Variants in USP16 observed in about 807,000 individuals in gnomAD.
USP16 encodes the protein ubiquitin specific peptidase 16, also known as ubiquitin carboxyl-terminal hydrolase 16.
USP16 carries 77 observed loss-of-function variants against 95.9 expected under a neutral mutation model. The ratio of observed to expected loss-of-function variants is 0.80; its 90% CI spans 0.67 to 0.97. The LOEUF (loss-of-function observed/expected upper bound fraction) is 0.97, where lower values mean the gene tolerates loss of function less well. Among genes scored for constraint, USP16 ranks in the 50% least tolerant of loss-of-function variants. USP16 has a pLI of 0.00. For missense variants in USP16, 943 were observed against 959.9 expected (o/e 0.98, Z 0.23); for synonymous variants, 303 against 318.2 (o/e 0.95, Z 0.51).
chr21:29,032,064 A>G (rs147251162), intron 3 of USP16, among the ~76,000 whole-genome samples: 3 of 152,190 alleles, frequency 2.0e-5, no homozygotes, highest in South Asian at 4.1e-4. Context: ...TGAACATCAC[A>G]GGGATCTCTT....
chr21:29,041,203 C>T (rs150054074), intron 10 of USP16, among the ~76,000 whole-genome samples: 2 of 152,062 alleles, frequency 1.3e-5, no homozygotes, highest in Non-Finnish European at 2.9e-5. Context: ...TTTAAATAGC[C>T]GTAAGTGACT....
intron 10 of USP16, among the ~76,000 whole-genome samples, chr21:29,041,559 A>G (rs1398325063): frequency 1.3e-5 from 2 of 152,162 alleles, no homozygotes; most frequent in Non-Finnish European, 2.9e-5. Flanking sequence ...CTTAGAGTTC[A>G]CAAAACAAGT....
At chr21:29,031,951 T>A (rs1197570187) in intron 3 of USP16, among the ~76,000 whole-genome samples, 2 of 152,208 alleles carry the variant, frequency 1.3e-5, no homozygotes, top group African/African-American at 4.8e-5. Flanking sequence ...TGAGTTTGAC[T>A]TCTTTTTTTG....
rs1601060863 is a variant in USP16 at position 29,041,944 on chromosome 21, T to C, written c.1031-69T>C. 15 of 1,351,900 alleles carry C rather than the reference T, an allele frequency of 1.1e-5. No individual in the cohort carries two copies. The East Asian group carries it at 3.7e-4, about 33-fold the overall frequency. The allele number at this position is 1,351,900 out of a possible 1,614,324, so 83.7% of individuals were successfully genotyped here. On this transcript the variant is annotated intron_variant, in intron 10 of 17. Transcript: ENST00000399976. ...TTTTAGAGTTAGATAGGTAAGTAGTTTTAGCTTTTCTTGTTTAATTAATTA... is the reference window on the plus strand; with the variant it reads ...TTTTAGAGTTAGATAGGTAAGTAGTCTTAGCTTTTCTTGTTTAATTAATTA...
At chr21:29,028,345 T>A (rs2085026053) in intron 2 of USP16, among the ~76,000 whole-genome samples, 1 of 151,874 alleles carries the variant, frequency 6.6e-6, no homozygotes, top group Non-Finnish European at 1.5e-5. Flanking sequence ...CAGGCTGGTC[T>A]TGAACTCCTG....
Position 29,046,652 on chromosome 21 carries a change from A to C in USP16, c.1357-15A>C. 1 of 1,580,284 alleles carries C rather than the reference A, an allele frequency of 6.3e-7. No homozygotes were observed. The highest frequency in any genetic ancestry group is 8.6e-7 in the Non-Finnish European group (1 of 1,168,294). On this transcript the variant is annotated splice_polypyrimidine_tract_variant and intron_variant, in intron 13 of 17. Transcript: ENST00000399976. ...CTTTTTCTTTATTTTTTGATGCCGT[A>C]TACTTTTTACCCAGAACCAACGAAG...
rs2085124345 is a variant in USP16, at chr21:29,034,501, T to TG, written c.241-332dup. On this transcript the variant is annotated intron_variant, in intron 3 of 17. Transcript: ENST00000399976. ...CTAATTTTTGTATTTTTAGTAGAGA[T>TG]GGGGTTTCACCATGTTGGTCAGGCT... Among the ~76,000 whole-genome samples the TG allele has an allele frequency of 2.6e-5, 4 of 151,910 alleles. No homozygotes were observed. In the South Asian group the frequency reaches 8.3e-4, roughly 32 times the overall value.
intron 16 of USP16, among the ~76,000 whole-genome samples, chr21:29,050,425 A>T (rs1479954001): frequency 6.6e-6 from 1 of 152,208 alleles, no homozygotes; most frequent in Non-Finnish European, 1.5e-5. Flanking sequence ...AGGGCATAAA[A>T]CTAAAGGTGA....
chr21:29,051,748 T>A (rs1451573958), intron 16 of USP16, among the ~76,000 whole-genome samples: 2 of 151,642 alleles, frequency 1.3e-5, no homozygotes, highest in African/African-American at 4.9e-5. Flanking sequence ...GGAGAATTGC[T>A]GGAACCTGGG....
At chr21:29,028,548 G>T (rs565781902) in intron 2 of USP16, among the ~76,000 whole-genome samples, 1 of 151,952 alleles carries the variant, frequency 6.6e-6, no homozygotes, top group African/African-American at 2.4e-5. Context: ...CGATTCTCCT[G>T]TCTCAGCCTC....
Position 29,046,897 on chromosome 21 carries a change from A to G in USP16, c.1587A>G (p.Gln529=). ...AKMIESVTDN[Q]KSTEEVDMKN... The stretch of plus-strand genomic sequence containing the variant: ...TGATCGAAAGTGTAACTGACAATCA[A>G]AAATCCACAGAGGAAGTAGATATGA... The change falls in exon 14 of 18, where the codon CAA becomes CAG. Residue 529 remains glutamine (Q), a synonymous_variant. Coordinates refer to ENST00000399976, the MANE Select transcript of USP16 (RefSeq NM_006447.3). 4 of 1,614,204 alleles carry G rather than the reference A, an allele frequency of 2.5e-6. No homozygotes were observed. The highest frequency in any genetic ancestry group is 1.1e-5 in the South Asian group (1 of 91,086).
intron 16 of USP16, among the ~76,000 whole-genome samples, chr21:29,050,821 G>C (rs1034031860): frequency 1.3e-5 from 2 of 152,204 alleles, no homozygotes; most frequent in Non-Finnish European, 2.9e-5. Context: ...TAGGTATACA[G>C]TGGGGAGCCC....
intron 13 of USP16, among the ~76,000 whole-genome samples, chr21:29,045,861 A>G (rs2146390595): frequency 6.6e-6 from 1 of 152,150 alleles, no homozygotes; most frequent in Non-Finnish European, 1.5e-5. Context: ...GCTGGAGTGC[A>G]GTGGTGTGGT....
intron 16 of USP16, chr21:29,053,086 G>T (rs2085440764): frequency 6.6e-6 from 1 of 152,260 alleles, no homozygotes. Context: ...AAAGTCCTGT[G>T]AGAATCATAG....
At position 29,054,236 on chromosome 21, in the gene USP16, G is replaced by C. The variant is rs2085461596; in HGVS notation, c.*49G>C. ...GAAACACATTTATGGCTTTTATAAT[G>C]GCTGAAATAACGATAAAAAAAGACT... On this transcript the variant is annotated 3_prime_UTR_variant, in exon 18 of 18. Coordinates refer to ENST00000399976, the MANE Select transcript of USP16 (RefSeq NM_006447.3). The C allele has an allele frequency of 6.4e-7, 1 of 1,564,616 alleles. No individual in the cohort carries two copies. Among genetic ancestry groups the C allele is most frequent in the South Asian group, 1.2e-5 (1 of 86,266 alleles).
intron 3 of USP16, among the ~76,000 whole-genome samples, chr21:29,033,501 G>A (rs1013963942): frequency 6.6e-6 from 1 of 152,208 alleles, no homozygotes; most frequent in Non-Finnish European, 1.5e-5. Context: ...ACTGGTTCCA[G>A]TAGATACACA....
intron 3 of USP16, 58 bp from the exon 4 acceptor site, chr21:29,034,779 A>C: frequency 1.3e-6 from 2 of 1,502,250 alleles, no homozygotes; most frequent in East Asian, 2.3e-5. Flanking sequence ...TAGATTATGC[A>C]TTCTCCCCTC....
chr21:29,035,195 G>C, intron 4 of USP16, among the ~76,000 whole-genome samples: 1 of 151,986 alleles, frequency 6.6e-6, no homozygotes, highest in South Asian at 2.1e-4. Context: ...ATATTATAAG[G>C]CATATAGTGG....
chr21:29,043,572 AAAGAAACAAGCCAAAAAGC>A lies in USP16; in HGVS notation c.1333_1351del (p.Lys445ProfsTer17). On this transcript the variant is annotated frameshift_variant, in exon 13 of 18. Transcript: ENST00000399976. LOFTEE classifies it high-confidence loss of function. ...CAAGTAAGCACTTACAGAAAAAAGC[AAAGAAACAAGCCAAAAAGC>A]AAGCCAAGGTGGGTAATTAGGAGGA... is the stretch of plus-strand genomic sequence containing the variant. 6.4e-7 allele frequency: 1 copy of A among 1,559,514 alleles called. No individual in the cohort carries two copies. Among genetic ancestry groups the A allele is most frequent in the African/African-American group, 1.4e-5 (1 of 71,922 alleles).
Sources: gnomAD v4.1 joint callset for allele counts (sites outside exome capture counted in the v4.1 genomes callset) on GRCh38, gnomAD v4.1.1 for gene constraint, MANE v1.5 for transcripts, NCBI Gene and HGNC (gene_info 2026-07-23, HGNC 2026-07-21) for gene names.